COL28A1: variants seen among roughly 807,000 people sequenced by gnomAD.
COL28A1 encodes collagen alpha-1(XXVIII) chain.
COL28A1 carries 161 observed loss-of-function variants against 150.2 expected under a neutral mutation model. That is an observed-to-expected ratio of 1.07 (90% CI 0.94 to 1.22). COL28A1 has a LOEUF of 1.22. COL28A1 is among the 50% of genes most tolerant of loss of function. The pLI is 0.00. For missense variants in COL28A1, 1,617 were observed against 1,388.3 expected (o/e 1.16, Z -2.62); for synonymous variants, 552 against 469.7 (o/e 1.18, Z -2.26).
intron 15 of COL28A1, among the ~76,000 whole-genome samples, chr7:7,463,282 CA>C (rs1398529846): frequency 6.6e-6 from 1 of 152,112 alleles, no homozygotes; most frequent in Non-Finnish European, 1.5e-5. Context: ...AGCTGTGAGG[CA>C]AAAACACCTC....
intron 30 of COL28A1, among the ~76,000 whole-genome samples, chr7:7,380,080 C>T (rs1052936704): frequency 6.6e-5 from 10 of 152,202 alleles, no homozygotes; most frequent in Admixed American, 3.3e-4. Flanking sequence ...AGACAGATTG[C>T]CTTCAAAGCA....
the COL28A1 span, among the ~76,000 whole-genome samples, chr7:7,344,199 T>G: frequency 7.9e-5 from 12 of 152,108 alleles, 1 homozygote; most frequent in Admixed American, 7.9e-4. Context: ...CCTTTTACTA[T>G]TTATGTTCTT....
chr7:7,437,948 C>T (rs1785461424), intron 21 of COL28A1, among the ~76,000 whole-genome samples: 1 of 151,780 alleles, frequency 6.6e-6, no homozygotes, highest in Non-Finnish European at 1.5e-5. Flanking sequence ...AGTAGAACCC[C>T]TATGGGCTGG....
At chr7:7,450,139 T>C (rs914071043) in intron 18 of COL28A1, among the ~76,000 whole-genome samples, 8 of 152,118 alleles carry the variant, frequency 5.3e-5, no homozygotes, top group Non-Finnish European at 8.8e-5. Context: ...AAGCTTCATA[T>C]ATGAAAGAGG....
chr7:7,419,961 G>T lies in COL28A1; in HGVS notation c.1999-8C>A. Reference sequence around the variant, plus strand: ...TCTGACCCCAGGCTCTCCCTGAAAAGACACAACAAATAACAAGTTACTAAT... The same window carrying T: ...TCTGACCCCAGGCTCTCCCTGAAAATACACAACAAATAACAAGTTACTAAT... On this transcript the variant is annotated splice_polypyrimidine_tract_variant and splice_region_variant and intron_variant, in intron 25 of 34. Coordinates refer to ENST00000399429, the MANE Select transcript of COL28A1 (RefSeq NM_001037763.3). The T allele has an allele frequency of 6.4e-7, 1 of 1,572,120 alleles. No homozygotes were observed. Among genetic ancestry groups the T allele is most frequent in the South Asian group, 1.2e-5 (1 of 83,586 alleles).
chr7:7,426,465 T>C (rs188114896), intron 25 of COL28A1, among the ~76,000 whole-genome samples: 26 of 152,338 alleles, frequency 1.7e-4, no homozygotes, highest in African/African-American at 6.0e-4. Flanking sequence ...GTATTGATTA[T>C]TGAATGACCG....
chr7:7,350,674 T>A, the COL28A1 span, among the ~76,000 whole-genome samples: 6,550 of 134,046 alleles, frequency 0.049, 559 homozygotes, highest in African/African-American at 0.17. Context: ...TTTTTTTTTT[T>A]AAAACCGCTG....
chr7:7,443,715 C>A, intron 19 of COL28A1, 62 bp from the exon 20 acceptor site: 1 of 1,597,904 alleles, frequency 6.3e-7, no homozygotes, highest in Non-Finnish European at 8.5e-7. Context: ...ACGTATCATC[C>A]CACCTTGTCT....
rs534923554 is a variant in COL28A1, at chr7:7,515,300, C to T, written c.882+514G>A. ...CGCAAATAATCATCAAATCATCTAC[C>T]AACCCATACCTTTTGTTTGCTTGTT... On this transcript the variant is annotated intron_variant, in intron 8 of 34. Transcript: ENST00000399429. Among the ~76,000 whole-genome samples the T allele has an allele frequency of 6.6e-4, 101 of 152,242 alleles. 1 individual carries two copies. Among genetic ancestry groups the T allele is most frequent in the African/African-American group, 2.1e-3 (89 of 41,536 alleles).
At chr7:7,533,726 T>A (rs1782493944) in intron 1 of COL28A1, among the ~76,000 whole-genome samples, 1 of 152,132 alleles carries the variant, frequency 6.6e-6, no homozygotes, top group African/African-American at 2.4e-5. Flanking sequence ...AAATCCTCAA[T>A]CTTCATCAGT....
intron 15 of COL28A1, among the ~76,000 whole-genome samples, chr7:7,463,228 G>A (rs947066778): frequency 6.6e-6 from 1 of 152,020 alleles, no homozygotes; most frequent in African/African-American, 2.4e-5. Context: ...CAGGAACACT[G>A]TCATCAGGTT....
At chr7:7,359,500 C>A (rs1013588073) in intron 34 of COL28A1, among the ~76,000 whole-genome samples, 2 of 152,140 alleles carry the variant, frequency 1.3e-5, no homozygotes, top group Non-Finnish European at 2.9e-5. Context: ...TGGAACTCCT[C>A]ATTTGCTAAA....
At chr7:7,445,863 CTTT>C (rs199729364) in intron 18 of COL28A1, among the ~76,000 whole-genome samples, 1 of 141,846 alleles carries the variant, frequency 7.0e-6, no homozygotes, top group Non-Finnish European at 1.5e-5. Flanking sequence ...AACTTAATGC[CTTT>C]TTTTTTTTTT....
At chr7:7,511,319 C>T (rs995894290) in intron 8 of COL28A1, among the ~76,000 whole-genome samples, 184 bp from the exon 9 acceptor site, 1 of 151,922 alleles carries the variant, frequency 6.6e-6, no homozygotes, top group Non-Finnish European at 1.5e-5. Flanking sequence ...ATATTTTTAC[C>T]CAAGAGTCAT....
chr7:7,381,453 A>G, intron 28 of COL28A1, 91 bp downstream of exon 28: 1 of 843,628 alleles, frequency 1.2e-6, no homozygotes, highest in Non-Finnish European at 2.0e-6. Context: ...TAAGGGGAAG[A>G]GTGACACATA....
chr7:7,360,442 C>G lies in COL28A1; in HGVS notation c.3153G>C (p.Glu1051Asp). 6.2e-7 allele frequency: 1 copy of G among 1,608,412 alleles called. No homozygotes were observed. Among genetic ancestry groups the G allele is most frequent in the Non-Finnish European group, 8.5e-7 (1 of 1,178,350 alleles). The change falls in exon 34 of 35, where the codon GAG (glutamate) becomes GAC (aspartate). Residue 1051 changes from glutamate (E) to aspartate (D), a missense_variant. Glu to Asp is a conservative substitution (Grantham distance 45, BLOSUM62 2). Coordinates refer to ENST00000399429, the MANE Select transcript of COL28A1 (RefSeq NM_001037763.3). ...ADDLPATTSS[E>D]ATTTPRPLLS... is the part of the protein sequence containing the mutation. The stretch of plus-strand genomic sequence containing the variant: ...GCAGTGGCCTGGGGGTGGTGGTGGC[C>G]TCAGATGAGGTAGTGGCAGGCAGAT...
upstream of COL28A1, among the ~76,000 whole-genome samples, chr7:7,538,680 G>A (rs768994004): frequency 5.3e-5 from 8 of 152,026 alleles, no homozygotes; most frequent in Non-Finnish European, 8.8e-5. Context: ...AAAGAGACAA[G>A]TCTGCTAGGA....
the COL28A1 span, among the ~76,000 whole-genome samples, chr7:7,350,132 C>T: frequency 6.6e-6 from 1 of 151,960 alleles, no homozygotes; most frequent in African/African-American, 2.4e-5. Flanking sequence ...CAGTACTGGG[C>T]AGATAAAGAT....
intron 21 of COL28A1, 104 bp downstream of exon 21, chr7:7,440,686 G>T: frequency 3.5e-6 from 2 of 569,364 alleles, no homozygotes; most frequent in Non-Finnish European, 3.2e-6. Flanking sequence ...GTACTTGTTG[G>T]GAAGGAAACA....
Sources: gnomAD v4.1 joint callset for allele counts (sites outside exome capture counted in the v4.1 genomes callset) on GRCh38, gnomAD v4.1.1 for gene constraint, MANE v1.5 for transcripts, NCBI Gene and HGNC (gene_info 2026-07-23, HGNC 2026-07-21) for gene names.